C5orf34: variants seen among roughly 807,000 people sequenced by gnomAD.
C5orf34 encodes uncharacterized protein C5orf34.
Under a neutral mutation model 78.4 loss-of-function variants are expected in C5orf34, and 73 were observed. The observed-to-expected ratio is 0.93, with a 90% CI of 0.77 to 1.13. The LOEUF is 1.13. C5orf34 is among the 50% of genes most tolerant of loss of function. The probability of loss-of-function intolerance (pLI) is 0.00; values close to 1 mark genes in which losing one functional copy is unlikely to be tolerated. For synonymous variants in C5orf34, 251 were observed against 246.6 expected, an observed-to-expected ratio of 1.02 and a Z score of -0.17; for missense variants, 730 against 732.7, an observed-to-expected ratio of 1.00 and a Z score of 0.04.
intron 11 of C5orf34, 79 bp from the exon 12 acceptor site, chr5:43,488,028 C>CT (rs3836781): frequency 7.9e-4 from 831 of 1,052,450 alleles, no homozygotes; most frequent in Non-Finnish European, 9.0e-4. Context: ...GCATACCTGA[C>CT]TTTTTTTTTC....
intron 4 of C5orf34, among the ~76,000 whole-genome samples, chr5:43,504,358 T>C (rs1486828808): frequency 6.6e-6 from 1 of 151,700 alleles, no homozygotes; most frequent in Non-Finnish European, 1.5e-5. Flanking sequence ...CTATACACAC[T>C]GTGGATATAA....
At chr5:43,492,192 T>A in intron 10 of C5orf34, 23 bp downstream of exon 10, 1 of 1,483,832 alleles carries the variant, frequency 6.7e-7, no homozygotes, top group Non-Finnish European at 9.3e-7. Flanking sequence ...ATAAAAATAA[T>A]TTTTAAAATT....
intron 8 of C5orf34, 115 bp downstream of exon 8, chr5:43,493,428 A>C (rs1745365298): frequency 1.5e-6 from 1 of 660,164 alleles, no homozygotes; most frequent in Admixed American, 3.1e-5. Context: ...AACCAACATT[A>C]ATGTTACAAG....
chr5:43,494,664 GC>G, intron 6 of C5orf34, 63 bp from the exon 7 acceptor site: 1 of 856,534 alleles, frequency 1.2e-6, no homozygotes, highest in South Asian at 1.8e-5. Flanking sequence ...TTACTTAGCT[GC>G]TTTTCCTTGA....
Position 43,494,496 on chromosome 5 carries a change from T to A in C5orf34, c.1244+14A>T, listed in dbSNP as rs1484405002. 6.5e-7 allele frequency: 1 copy of A among 1,542,728 alleles called. No individual in the cohort carries two copies. The highest frequency in any genetic ancestry group is 8.9e-7 in the Non-Finnish European group (1 of 1,122,506). ...ACACATAACATTTGATTCAATTGAA[T>A]GGGAAGAACTTACCTTGTTGCCTGT... is the stretch of plus-strand genomic sequence containing the variant. On this transcript the variant is annotated intron_variant, in intron 7 of 12. Transcript: ENST00000306862.
At chr5:43,488,506 T>C (rs1745147660) in intron 11 of C5orf34, 5 of 152,174 alleles carry the variant, frequency 3.3e-5, no homozygotes, top group Admixed American at 2.0e-4. Context: ...TATATGGAAC[T>C]CTTTGGGAAT....
In C5orf34 at chr5:43,506,258, T is replaced by G; in HGVS notation, c.422A>C (p.His141Pro). 3 of 1,614,202 alleles carry G rather than the reference T, an allele frequency of 1.9e-6. No homozygotes were observed. ...ACACAAAAAATGTACTGTAAATTCA[T>G]GCTGAGATCTGGGCAGGCAGAGGTA... is the stretch of plus-strand genomic sequence containing the variant. ...HAYLCLPRSQHEFTVHFLCKV... is the reference protein window; with the variant it reads ...HAYLCLPRSQPEFTVHFLCKV... Residue 141 changes from histidine to proline, a missense_variant, in exon 4 of 13, where the codon CAT becomes CCT. Coordinates refer to ENST00000306862, the MANE Select transcript of C5orf34 (RefSeq NM_198566.4).
intron 3 of C5orf34, 109 bp downstream of exon 3, chr5:43,508,468 A>G (rs1746085837): frequency 3.1e-6 from 2 of 642,160 alleles, no homozygotes; most frequent in Admixed American, 2.9e-5. Flanking sequence ...TTTTATAGCA[A>G]TGTATCCCCA....
At chr5:43,509,561 G>C (rs1746134855) in intron 1 of C5orf34, among the ~76,000 whole-genome samples, 186 bp from the exon 2 acceptor site, 1 of 151,950 alleles carries the variant, frequency 6.6e-6, no homozygotes, top group Non-Finnish European at 1.5e-5. Context: ...TTAACCCCTA[G>C]AAGTTTACTC....
chr5:43,494,705 GTAGT>G (rs1745425403), intron 6 of C5orf34, 104 bp from the exon 7 acceptor site: 3 of 563,476 alleles, frequency 5.3e-6, no homozygotes. Flanking sequence ...GACAAGACGA[GTAGT>G]TATTTTAACA....
chr5:43,499,039 T>C (rs148623165), intron 6 of C5orf34, among the ~76,000 whole-genome samples: 205 of 152,346 alleles, frequency 1.3e-3, no homozygotes, highest in African/African-American at 4.5e-3. Context: ...AAGATAGGGC[T>C]TAAATCTAGT....
At chr5:43,495,210 A>G (rs1745454217) in intron 6 of C5orf34, 1 of 1,610,914 alleles carries the variant, frequency 6.2e-7, no homozygotes, top group African/African-American at 1.3e-5. Context: ...AAAGGTGGAT[A>G]GTCTGAGAAG....
rs529779193 is a variant in C5orf34 at position 43,507,805 on chromosome 5, G to A, written c.285+772C>T. On this transcript the variant is annotated intron_variant, in intron 3 of 12. Transcript: ENST00000306862. ...TATAAAAAGAGGCTGCCGGCCGGGC[G>A]CGGTGGCTCACGCCTGTAATCCCAG... is the stretch of plus-strand genomic sequence containing the variant. Among the ~76,000 whole-genome samples the A allele has an allele frequency of 3.3e-3, 503 of 151,932 alleles. 2 individuals carry two copies. Among genetic ancestry groups the A allele is most frequent in the South Asian group, 5.6e-3 (27 of 4,790 alleles).
chr5:43,491,725 CG>C (rs1252055630), intron 10 of C5orf34, among the ~76,000 whole-genome samples: 1 of 152,138 alleles, frequency 6.6e-6, no homozygotes, highest in Non-Finnish European at 1.5e-5. Context: ...ACCTGAAGGC[CG>C]GGCATGGTGG....
At chr5:43,504,429 G>A (rs1250682833) in intron 4 of C5orf34, among the ~76,000 whole-genome samples, 3 of 152,156 alleles carry the variant, frequency 2.0e-5, no homozygotes, top group African/African-American at 7.2e-5. Context: ...AATAAACATT[G>A]AGTGTAAAGA....
At chr5:43,503,258 T>C (rs114865291) in intron 5 of C5orf34, among the ~76,000 whole-genome samples, 1 of 152,204 alleles carries the variant, frequency 6.6e-6, no homozygotes, top group Non-Finnish European at 1.5e-5. Flanking sequence ...ATTTGCTTTG[T>C]GAATGAAGGC....
chr5:43,489,163 T>C (rs1011257461), intron 11 of C5orf34, among the ~76,000 whole-genome samples: 2 of 152,112 alleles, frequency 1.3e-5, no homozygotes, highest in Non-Finnish European at 2.9e-5. Context: ...TTTATTGTTA[T>C]TGCTCTCATA....
chr5:43,508,079 GAAAAA>G (rs58637292), intron 3 of C5orf34, among the ~76,000 whole-genome samples: 1 of 107,774 alleles, frequency 9.3e-6, no homozygotes, highest in Non-Finnish European at 1.9e-5. Flanking sequence ...CTCCGTCTCA[GAAAAA>G]AAAAAAAAAA....
At chr5:43,493,904 C>T (rs1745389392) in intron 7 of C5orf34, among the ~76,000 whole-genome samples, 2 of 152,134 alleles carry the variant, frequency 1.3e-5, no homozygotes, top group African/African-American at 2.4e-5. Flanking sequence ...TAGATTCACA[C>T]TGCCTGGAAA....
Sources: allele counts gnomAD v4.1 joint callset (sites outside exome capture counted in the v4.1 genomes callset), GRCh38; gene constraint gnomAD v4.1.1; transcripts MANE v1.5; gene names NCBI Gene and HGNC (gene_info 2026-07-23, HGNC 2026-07-21).